Variants in SAP30BP observed in about 807,000 individuals in gnomAD.
SAP30BP encodes the protein SAP30-binding protein.
In SAP30BP, 31 loss-of-function variants were observed where a neutral mutation model predicts 46.3. The observed-to-expected ratio is 0.67, with a 90% CI of 0.50 to 0.90. The LOEUF is 0.90. Ranked by LOEUF, SAP30BP falls within the 40% of genes least tolerant of loss-of-function variation. The probability of loss-of-function intolerance (pLI) is 0.00; values close to 1 mark genes in which losing one functional copy is unlikely to be tolerated. For synonymous variants in SAP30BP, 169 were observed against 144.2 expected (o/e 1.17, Z -1.23); for missense variants, 312 against 391.0 (o/e 0.80, Z 1.70).
In SAP30BP at chr17:75,699,853, A is replaced by G. The variant is rs749653193; in HGVS notation, c.378A>G (p.Arg126=). The change falls in exon 5 of 11, where the codon AGA becomes AGG. Residue 126 remains arginine, a synonymous_variant. Transcript: ENST00000584667. ...AGATCCCGCCAGAACCCCCTGGCAG[A>G]TGTTCAAATCACTTGCAAGTAAGCA... The part of the protein sequence containing the change: ...EIKIPPEPPG[R]CSNHLQDKIQ... 1.9e-6 allele frequency: 3 copies of G among 1,612,766 alleles called. No individual in the cohort carries two copies. Among genetic ancestry groups the G allele is most frequent in the East Asian group, 2.2e-5 (1 of 44,872 alleles).
At chr17:75,688,711 C>T (rs2060197853) in intron 3 of SAP30BP, among the ~76,000 whole-genome samples, 1 of 152,184 alleles carries the variant, frequency 6.6e-6, no homozygotes, top group African/African-American at 2.4e-5. Context: ...GCTCAAATGG[C>T]AGCTTGTCCA....
At chr17:75,670,621 A>G (rs1460362865) in intron 2 of SAP30BP, among the ~76,000 whole-genome samples, 1 of 152,200 alleles carries the variant, frequency 6.6e-6, no homozygotes, top group African/African-American at 2.4e-5. Context: ...ATTTTAGTAA[A>G]ATCCTCTCAT....
chr17:75,694,999 T>C (rs920669513), intron 4 of SAP30BP, among the ~76,000 whole-genome samples: 2 of 152,184 alleles, frequency 1.3e-5, no homozygotes, highest in Non-Finnish European at 2.9e-5. Flanking sequence ...CCCACCACAA[T>C]TGTGATACAG....
intron 9 of SAP30BP, 79 bp from the exon 10 acceptor site, chr17:75,705,929 C>T: frequency 6.4e-7 from 1 of 1,574,210 alleles, no homozygotes. Flanking sequence ...AGCTCCTGTC[C>T]CCCAGGAGCT....
At chr17:75,675,838 G>T (rs1464913820) in intron 3 of SAP30BP, among the ~76,000 whole-genome samples, 2 of 152,136 alleles carry the variant, frequency 1.3e-5, no homozygotes, top group African/African-American at 4.8e-5. Flanking sequence ...AATCACTTGA[G>T]CCTGGGAGGT....
intron 3 of SAP30BP, chr17:75,683,727 G>A (rs986517241): frequency 6.6e-6 from 1 of 152,228 alleles, no homozygotes; most frequent in African/African-American, 2.4e-5. Context: ...GAGCTGGGTA[G>A]AGTTCAGGAT....
intron 9 of SAP30BP, chr17:75,705,805 T>C: frequency 9.5e-7 from 1 of 1,048,458 alleles, no homozygotes; most frequent in Non-Finnish European, 1.3e-6. Flanking sequence ...TACAGTACTG[T>C]TTGGAAAGTT....
chr17:75,681,280 G>A (rs914847457), intron 3 of SAP30BP, among the ~76,000 whole-genome samples: 1 of 152,214 alleles, frequency 6.6e-6, no homozygotes, highest in Non-Finnish European at 1.5e-5. Flanking sequence ...GCAGTAGATT[G>A]TCTTAAGAGT....
chr17:75,692,800 A>G (rs1487251987), intron 3 of SAP30BP: 4 of 152,358 alleles, frequency 2.6e-5, no homozygotes, highest in Admixed American at 2.6e-4. Context: ...GCTGAGAGCC[A>G]GAGAGAGGCT....
intron 5 of SAP30BP, among the ~76,000 whole-genome samples, chr17:75,701,164 G>A (rs932281581): frequency 6.6e-6 from 1 of 152,178 alleles, no homozygotes; most frequent in Non-Finnish European, 1.5e-5. Flanking sequence ...CCCTCCTGAC[G>A]TGTCCTAAAT....
chr17:75,672,991 G>T (rs1334506496), intron 3 of SAP30BP, among the ~76,000 whole-genome samples: 1 of 151,884 alleles, frequency 6.6e-6, no homozygotes, highest in Non-Finnish European at 1.5e-5. Flanking sequence ...AAACTGCTTG[G>T]AAACCAGCTG....
chr17:75,703,895 GC>G, intron 8 of SAP30BP, 36 bp downstream of exon 8: 1 of 1,468,584 alleles, frequency 6.8e-7, no homozygotes, highest in Non-Finnish European at 9.5e-7. Context: ...TACCTTGTCC[GC>G]CCACCCGACT....
At chr17:75,676,559 C>T (rs528553956) in intron 3 of SAP30BP, among the ~76,000 whole-genome samples, 3 of 152,340 alleles carry the variant, frequency 2.0e-5, no homozygotes, top group Non-Finnish European at 4.4e-5. Context: ...GAGAAAATGT[C>T]TGCCAAATAC....
At chr17:75,697,704 G>A (rs2060344034) in intron 4 of SAP30BP, among the ~76,000 whole-genome samples, 1 of 152,182 alleles carries the variant, frequency 6.6e-6, no homozygotes, top group Admixed American at 6.5e-5. Context: ...CCCCAGGCTC[G>A]ACTCCTGTCT....
At chr17:75,702,241 G>A (rs1006235250) in intron 5 of SAP30BP, among the ~76,000 whole-genome samples, 3 of 152,152 alleles carry the variant, frequency 2.0e-5, no homozygotes, top group African/African-American at 7.2e-5. Context: ...GGCCAGGATG[G>A]TCTCAATCTC....
intron 3 of SAP30BP, 85 bp from the exon 4 acceptor site, chr17:75,693,355 C>G: frequency 8.3e-7 from 1 of 1,205,400 alleles, no homozygotes; most frequent in Non-Finnish European, 1.2e-6. Flanking sequence ...TTTCTCCTTC[C>G]TTAAAAATCC....
At chr17:75,683,341 T>C (rs556083586) in intron 3 of SAP30BP, among the ~76,000 whole-genome samples, 1 of 151,874 alleles carries the variant, frequency 6.6e-6, no homozygotes, top group East Asian at 1.9e-4. Flanking sequence ...ACCATGGTGC[T>C]TGGTAAAAAA....
chr17:75,684,006 T>TTTTCCTTCCTTCAC (rs1196487916), intron 3 of SAP30BP: 2 of 152,254 alleles, frequency 1.3e-5, no homozygotes, highest in African/African-American at 4.8e-5. Flanking sequence ...GGAGGGGTGC[T>TTTTCCTTCCTTCAC]TTTCCTTCTT....
At chr17:75,690,679 C>G in intron 3 of SAP30BP, 1 of 456,604 alleles carries the variant, frequency 2.2e-6, no homozygotes, top group Non-Finnish European at 4.4e-6. Flanking sequence ...AGGAGAAGCT[C>G]GGCACAGTGA....
Sources: allele counts gnomAD v4.1 joint callset (sites outside exome capture counted in the v4.1 genomes callset), GRCh38; gene constraint gnomAD v4.1.1; transcripts MANE v1.5; gene names NCBI Gene and HGNC (gene_info 2026-07-23, HGNC 2026-07-21).